The following USP25 variants were observed in gnomAD, a reference collection of about 807,000 sequenced individuals.
USP25 encodes the protein ubiquitin specific peptidase 25, also known as ubiquitin carboxyl-terminal hydrolase 25.
Under a neutral mutation model 158.5 loss-of-function variants are expected in USP25, and 85 were observed. The observed-to-expected ratio is 0.54, with a 90% CI of 0.45 to 0.64. The LOEUF is 0.64. Among genes scored for constraint, USP25 ranks in the 30% least tolerant of loss-of-function variants. USP25 has a pLI of 0.00. For missense variants in USP25, 1,242 were observed against 1,327.3 expected (o/e 0.94, Z 1.00); for synonymous variants, 464 against 460.4 (o/e 1.01, Z -0.10).
chr21:15,872,546 A>G (rs1354996963), intron 23 of USP25, among the ~76,000 whole-genome samples: 1 of 152,224 alleles, frequency 6.6e-6, no homozygotes, highest in Non-Finnish European at 1.5e-5. Context: ...CTACAACTTA[A>G]TGTTGTAAAA....
At chr21:15,870,033 C>T (rs2039819417) in intron 22 of USP25, 35 bp from the exon 23 acceptor site, 2 of 1,502,532 alleles carry the variant, frequency 1.3e-6, no homozygotes, top group South Asian at 1.2e-5. Context: ...TTAAATCTTA[C>T]TCTGAACATT....
intron 9 of USP25, among the ~76,000 whole-genome samples, chr21:15,817,118 C>T (rs928883048): frequency 6.6e-5 from 10 of 150,540 alleles, no homozygotes; most frequent in African/African-American, 2.0e-4. Context: ...GGTGACAGAG[C>T]GAGACTCTGT....
At chr21:15,862,144 T>A (rs1336368279) in intron 20 of USP25, among the ~76,000 whole-genome samples, 2 of 152,100 alleles carry the variant, frequency 1.3e-5, no homozygotes, top group Non-Finnish European at 2.9e-5. Flanking sequence ...ACAAATTTGT[T>A]TTATTTTGGT....
At position 15,799,149 on chromosome 21, in the gene USP25, G is replaced by T. The variant is rs147854271; in HGVS notation, c.556-608G>T. Among the ~76,000 whole-genome samples the T allele has an allele frequency of 1.5e-3, 230 of 151,112 alleles. 2 individuals are homozygous for T. The highest frequency in any genetic ancestry group is 5.4e-3 in the African/African-American group (224 of 41,410). On this transcript the variant is annotated intron_variant, in intron 5 of 25. Transcript: ENST00000400183. The stretch of plus-strand genomic sequence containing the variant: ...ATGTTCAGTATGATGATAGTAAATG[G>T]TTGCAAACTACAGTTTAAAAAACAT...
At chr21:15,759,447 A>G (rs1194057368) in intron 1 of USP25, among the ~76,000 whole-genome samples, 1 of 152,224 alleles carries the variant, frequency 6.6e-6, no homozygotes, top group Non-Finnish European at 1.5e-5. Context: ...TTAAGGATAC[A>G]TAATATATCA....
chr21:15,839,981 TG>T (rs1429150447), intron 17 of USP25, among the ~76,000 whole-genome samples: 5 of 152,166 alleles, frequency 3.3e-5, no homozygotes, highest in African/African-American at 1.2e-4. Context: ...TAGTAGCTAT[TG>T]TCTTTTCCCT....
chr21:15,828,835 C>T (rs2037656177), intron 14 of USP25, among the ~76,000 whole-genome samples: 2 of 152,130 alleles, frequency 1.3e-5, no homozygotes, highest in Admixed American at 1.3e-4. Context: ...GATGGGGTTT[C>T]ACCATGTTGG....
In USP25 at chr21:15,743,772, G is replaced by A. The variant is rs371748472; in HGVS notation, c.45+13334G>A. On this transcript the variant is annotated intron_variant, in intron 1 of 25. Transcript: ENST00000400183. ...TGCCTAGGAGTTGGTCTACTGTGGCGCCTGCCTAGGAATTGGTCTACTGTG... is the reference window on the plus strand; with the variant it reads ...TGCCTAGGAGTTGGTCTACTGTGGCACCTGCCTAGGAATTGGTCTACTGTG... 2.6e-5 allele frequency among the ~76,000 whole-genome samples: 4 copies of A among 151,918 alleles called. No homozygotes were observed. The East Asian group carries it at 7.7e-4, about 29-fold the overall frequency.
At chr21:15,730,883 G>C (rs991267605) in intron 1 of USP25, among the ~76,000 whole-genome samples, 7 of 151,974 alleles carry the variant, frequency 4.6e-5, no homozygotes, top group East Asian at 1.9e-4. Context: ...CCTGCCTCGC[G>C]GGGCAGGCGT....
chr21:15,815,518 G>A (rs1026498840), intron 9 of USP25, among the ~76,000 whole-genome samples: 2 of 152,166 alleles, frequency 1.3e-5, no homozygotes, highest in African/African-American at 4.8e-5. Flanking sequence ...CCACAGGGGC[G>A]GAGCTGCCCA....
chr21:15,811,442 G>A (rs1242779404), intron 9 of USP25, among the ~76,000 whole-genome samples: 1 of 152,038 alleles, frequency 6.6e-6, no homozygotes, highest in Non-Finnish European at 1.5e-5. Context: ...TTATCCTCAT[G>A]TTTTTTCCAG....
chr21:15,865,653 T>G (rs2039623998), intron 21 of USP25, among the ~76,000 whole-genome samples: 4 of 152,182 alleles, frequency 2.6e-5, no homozygotes, highest in Admixed American at 1.3e-4. Flanking sequence ...CTATGCTGTT[T>G]AATTTGGAGA....
intron 17 of USP25, among the ~76,000 whole-genome samples, chr21:15,838,950 TC>T (rs1177045734): frequency 6.6e-6 from 1 of 152,108 alleles, no homozygotes. Flanking sequence ...GACTCAGAGT[TC>T]CCTCAGAATG....
intron 17 of USP25, among the ~76,000 whole-genome samples, chr21:15,837,878 T>C (rs1568871833): frequency 1.3e-5 from 2 of 151,984 alleles, no homozygotes; most frequent in African/African-American, 4.8e-5. Flanking sequence ...GAGTAAGACC[T>C]GGTAGAATAA....
rs370686045 is a variant in USP25 at position 15,802,662 on chromosome 21, ATATCT to A, written c.643-2455_643-2451del. On this transcript the variant is annotated intron_variant, in intron 6 of 25. Coordinates refer to ENST00000400183, the MANE Select transcript of USP25 (RefSeq NM_001283041.3). Reference sequence around the variant, plus strand: ...AAGCTAAAACAGTGATTAGTGGAAGATATCTTATAAGAGACATCTTACCAGACATC... The same window carrying A: ...AAGCTAAAACAGTGATTAGTGGAAGATATAAGAGACATCTTACCAGACATC... Among the ~76,000 whole-genome samples the A allele has an allele frequency of 1.4e-3, 206 of 151,808 alleles. 2 individuals carry two copies. Among genetic ancestry groups the A allele is most frequent in the African/African-American group, 4.6e-3 (190 of 41,482 alleles).
At position 15,864,342 on chromosome 21, in the gene USP25, ACAT is replaced by A; in HGVS notation, c.2626_2628del (p.His876del). The A allele has an allele frequency of 6.2e-7, 1 of 1,613,648 alleles. No individual in the cohort carries two copies. Among genetic ancestry groups the A allele is most frequent in the Non-Finnish European group, 8.5e-7 (1 of 1,179,866 alleles). On this transcript the variant is annotated inframe_deletion, in exon 21 of 26. Coordinates refer to ENST00000400183, the MANE Select transcript of USP25 (RefSeq NM_001283041.3). ...CCCCACCAGAAACCGATTATCGTTTACATCATGTAGTGGTCTACTTTATCCAGA... is the reference window on the plus strand; with the variant it reads ...CCCCACCAGAAACCGATTATCGTTTACATGTAGTGGTCTACTTTATCCAGA...
chr21:15,871,738 T>C (rs1050098760), intron 23 of USP25, among the ~76,000 whole-genome samples: 6 of 152,200 alleles, frequency 3.9e-5, no homozygotes, highest in Admixed American at 3.9e-4. Flanking sequence ...AAATACATAC[T>C]TATTCAGAAA....
intron 5 of USP25, among the ~76,000 whole-genome samples, chr21:15,795,261 T>C (rs1030008499): frequency 1.3e-5 from 2 of 151,636 alleles, no homozygotes; most frequent in African/African-American, 4.8e-5. Flanking sequence ...AGTATTTTCA[T>C]TTTTTATAAC....
intron 7 of USP25, among the ~76,000 whole-genome samples, chr21:15,807,973 AT>A (rs1193037467): frequency 6.6e-6 from 1 of 152,124 alleles, no homozygotes; most frequent in Non-Finnish European, 1.5e-5. Flanking sequence ...TAGTTTCAAC[AT>A]TTTTTTGAGG....
Sources: gnomAD v4.1 joint callset for allele counts (sites outside exome capture counted in the v4.1 genomes callset) on GRCh38, gnomAD v4.1.1 for gene constraint, MANE v1.5 for transcripts, NCBI Gene and HGNC (gene_info 2026-07-23, HGNC 2026-07-21) for gene names.